Variants in VWC2 observed in about 807,000 individuals in gnomAD.
The protein encoded by VWC2 is brorin.
VWC2 carries 14 observed loss-of-function variants against 29.8 expected under a neutral mutation model. The observed-to-expected ratio is 0.47, with a 90% CI of 0.31 to 0.74. VWC2 has a LOEUF of 0.74. VWC2 is among the 30% of genes least tolerant of loss of function. VWC2 has a pLI of 0.05. For synonymous variants in VWC2, 213 were observed against 199.0 expected (o/e 1.07, Z -0.59); for missense variants, 457 against 459.8 (o/e 0.99, Z 0.05).
intron 2 of VWC2, among the ~76,000 whole-genome samples, chr7:49,789,003 T>G (rs1303911081): frequency 7.0e-6 from 1 of 143,216 alleles, no homozygotes; most frequent in Non-Finnish European, 1.5e-5. Flanking sequence ...TGTGGGTGCA[T>G]GCTTGAAAGT....
At chr7:49,779,121 AG>A (rs1307817832) in intron 2 of VWC2, among the ~76,000 whole-genome samples, 5 of 152,112 alleles carry the variant, frequency 3.3e-5, no homozygotes, top group Non-Finnish European at 7.4e-5. Context: ...CTCTTTGAGC[AG>A]TAGATTAACT....
intron 3 of VWC2, among the ~76,000 whole-genome samples, chr7:49,818,160 G>A (rs1789188410): frequency 6.6e-6 from 1 of 152,166 alleles, no homozygotes; most frequent in African/African-American, 2.4e-5. Context: ...GGCAGATTGG[G>A]AAGTGATACA....
chr7:49,783,224 T>G (rs1454033355), intron 2 of VWC2, among the ~76,000 whole-genome samples: 24 of 152,088 alleles, frequency 1.6e-4, no homozygotes. Flanking sequence ...GGCCCTGGGC[T>G]GCATCCTAGA....
intron 3 of VWC2, among the ~76,000 whole-genome samples, chr7:49,883,368 G>A (rs1330735113): frequency 1.3e-5 from 2 of 152,100 alleles, no homozygotes; most frequent in Non-Finnish European, 2.9e-5. Flanking sequence ...AAATGGCTTC[G>A]TCTGAAATAA....
intron 2 of VWC2, among the ~76,000 whole-genome samples, chr7:49,781,369 G>A (rs1212233625): frequency 1.3e-5 from 2 of 152,144 alleles, no homozygotes; most frequent in African/African-American, 4.8e-5. Context: ...AATATCTGAT[G>A]TGAAGTATGA....
intron 2 of VWC2, among the ~76,000 whole-genome samples, chr7:49,785,838 T>C (rs1788283123): frequency 2.0e-5 from 3 of 152,118 alleles, no homozygotes; most frequent in Admixed American, 2.0e-4. Flanking sequence ...CCAAAAAATA[T>C]TTACTAAAAG....
chr7:49,792,678 G>A (rs1788491236), intron 2 of VWC2, among the ~76,000 whole-genome samples: 1 of 152,196 alleles, frequency 6.6e-6, no homozygotes, highest in South Asian at 2.1e-4. Flanking sequence ...GAAGCCTCCT[G>A]TCCTGGCGGC....
At chr7:49,807,573 A>C (rs962499952) in intron 3 of VWC2, among the ~76,000 whole-genome samples, 8 of 152,194 alleles carry the variant, frequency 5.3e-5, no homozygotes, top group Non-Finnish European at 1.0e-4. Flanking sequence ...ACTGAATAGC[A>C]GTATGGAGAT....
chr7:49,782,154 A>T (rs1876569), intron 2 of VWC2, among the ~76,000 whole-genome samples: 16,982 of 152,262 alleles, frequency 0.11, 1,174 homozygotes, highest in South Asian at 0.27. Flanking sequence ...TGATTCCCAG[A>T]TGGCAGCCAT....
chr7:49,864,162 T>C (rs1790786412), intron 3 of VWC2, among the ~76,000 whole-genome samples: 2 of 152,166 alleles, frequency 1.3e-5, no homozygotes, highest in African/African-American at 4.8e-5. Flanking sequence ...TCCTTGCCAT[T>C]GGTGTCACTG....
At chr7:49,870,589 C>T (rs551171202) in intron 3 of VWC2, among the ~76,000 whole-genome samples, 48 of 152,126 alleles carry the variant, frequency 3.2e-4, no homozygotes, top group African/African-American at 1.1e-3. Flanking sequence ...GCATGTCTTA[C>T]GAGTAGGATT....
intron 2 of VWC2, among the ~76,000 whole-genome samples, chr7:49,777,837 C>T (rs1342434205): frequency 6.6e-6 from 1 of 152,138 alleles, no homozygotes; most frequent in Non-Finnish European, 1.5e-5. Context: ...GAGGAGGGGC[C>T]TTCCATTTTG....
intron 3 of VWC2, among the ~76,000 whole-genome samples, chr7:49,864,161 T>C (rs1790786317): frequency 6.6e-6 from 1 of 152,200 alleles, no homozygotes; most frequent in Admixed American, 6.5e-5. Context: ...CTCCTTGCCA[T>C]TGGTGTCACT....
chr7:49,867,925 C>T (rs1390067376), intron 3 of VWC2, among the ~76,000 whole-genome samples: 3 of 151,952 alleles, frequency 2.0e-5, no homozygotes, highest in African/African-American at 7.3e-5. Context: ...TCTCCGCCTC[C>T]CAAGTTCAAG....
In VWC2 at chr7:49,798,497, A is replaced by G. The variant is rs537771164; in HGVS notation, c.697-4214A>G. Among the ~76,000 whole-genome samples the G allele has an allele frequency of 9.2e-5, 14 of 152,322 alleles. 1 individual carries two copies. In the South Asian group the frequency reaches 2.5e-3, roughly 27 times the overall value. On this transcript the variant is annotated intron_variant, in intron 2 of 3. Coordinates refer to ENST00000340652, the MANE Select transcript of VWC2 (RefSeq NM_198570.5). ...CTTGGCAGCCTCTCTGTATCTCAGG[A>G]GGTGGAAGGCACTAGCACATTGTCC...
chr7:49,807,915 A>G (rs1334095509), intron 3 of VWC2, among the ~76,000 whole-genome samples: 3 of 152,158 alleles, frequency 2.0e-5, no homozygotes, highest in Non-Finnish European at 2.9e-5. Context: ...TAAAGCAGAG[A>G]GATACAAAAG....
Position 49,775,741 on chromosome 7 carries a change from G to C in VWC2, c.306G>C (p.Gly102=). The C allele has an allele frequency of 6.6e-7, 1 of 1,512,238 alleles. No individual in the cohort carries two copies. Among genetic ancestry groups the C allele is most frequent in the Non-Finnish European group, 8.8e-7 (1 of 1,133,500 alleles). The allele number at this position is 1,512,238 out of a possible 1,614,324, so 93.7% of individuals were successfully genotyped here. A position where few individuals can be genotyped will look rare whatever the true frequency, so the allele number is the denominator to read the frequency against. The part of the protein sequence containing the change: ...KLKQAWVSQG[G]GAKAGDLQVR... Reference sequence around the variant, plus strand: ...AGCAGGCCTGGGTCTCCCAGGGCGGGGGCGCCAAGGCCGGGGATCTGCAGG... The same window carrying C: ...AGCAGGCCTGGGTCTCCCAGGGCGGCGGCGCCAAGGCCGGGGATCTGCAGG... Residue 102 remains glycine, a synonymous_variant, in exon 2 of 4, where the codon GGG becomes GGC. Transcript: ENST00000340652.
chr7:49,802,596 C>A, intron 2 of VWC2, 115 bp from the exon 3 acceptor site: 3 of 1,400,986 alleles, frequency 2.1e-6, no homozygotes, highest in Non-Finnish European at 2.9e-6. Flanking sequence ...CGAGATCGCA[C>A]CACTGCACTC....
intron 3 of VWC2, among the ~76,000 whole-genome samples, chr7:49,896,436 G>T (rs1250094620): frequency 6.6e-6 from 1 of 151,900 alleles, no homozygotes; most frequent in Non-Finnish European, 1.5e-5. Context: ...CATTAGAAAA[G>T]AGAAAAAAAT....
Sources: allele counts gnomAD v4.1 joint callset (sites outside exome capture counted in the v4.1 genomes callset), GRCh38; gene constraint gnomAD v4.1.1; transcripts MANE v1.5; gene names NCBI Gene and HGNC (gene_info 2026-07-23, HGNC 2026-07-21).